Variants in RHBDF2 observed in about 807,000 individuals in gnomAD.
The protein encoded by RHBDF2 is inactive rhomboid protein 2.
RHBDF2 carries 38 observed loss-of-function variants against 95.2 expected under a neutral mutation model. That is an observed-to-expected ratio of 0.40 (90% CI 0.31 to 0.52). The LOEUF is 0.52. Ranked by LOEUF, RHBDF2 falls within the 20% of genes least tolerant of loss-of-function variation. The pLI, the probability that RHBDF2 is intolerant of heterozygous loss-of-function variation, is 0.56. For missense variants in RHBDF2, 863 were observed against 1,137.7 expected (o/e 0.76, Z 3.47); for synonymous variants, 442 against 462.0 (o/e 0.96, Z 0.55).
Position 76,479,766 on chromosome 17 carries a change from C to A in RHBDF2, c.239G>T (p.Arg80Leu). Residue 80 changes from arginine (R) to leucine (L), a missense_variant, in exon 4 of 19, where the codon CGC becomes CTC. Physicochemically the swap from Arg to Leu is moderately radical, Grantham distance 102. Around this residue, in one of 2 missense-constraint regions of RHBDF2, gnomAD observed 611 missense variants for 725.5 expected, o/e 0.84. Coordinates refer to ENST00000675367, the MANE Select transcript of RHBDF2 (RefSeq NM_001005498.4). The stretch of plus-strand genomic sequence containing the variant: ...GCTCTGGGACAGTGAGGCCTGGCGG[C>A]GGAAGCCAGGGCGCTTCTCTGAACT... ...QESSEKRPGF[R>L]RQASLSQSIR... 6.2e-7 allele frequency: 1 copy of A among 1,612,140 alleles called. No individual in the cohort carries two copies. The highest frequency in any genetic ancestry group is 1.1e-5 in the South Asian group (1 of 90,998).
At chr17:76,492,316 A>T (rs1490663434) in intron 1 of RHBDF2, among the ~76,000 whole-genome samples, 1 of 152,122 alleles carries the variant, frequency 6.6e-6, no homozygotes, top group Non-Finnish European at 1.5e-5. Flanking sequence ...CACTGCAGAT[A>T]GCTTTGGAGA....
chr17:76,483,631 A>G (rs1197758220), intron 2 of RHBDF2, among the ~76,000 whole-genome samples: 2 of 152,168 alleles, frequency 1.3e-5, no homozygotes, highest in African/African-American at 2.4e-5. Context: ...TCATAAGTGG[A>G]ATGCACCAAG....
chr17:76,474,254 G>C, intron 12 of RHBDF2, 112 bp from the exon 13 acceptor site: 1 of 1,364,906 alleles, frequency 7.3e-7, no homozygotes, highest in Non-Finnish European at 1.0e-6. Context: ...CATCTATGGG[G>C]GTCTGGGAAA....
chr17:76,485,554 C>T (rs1369342858), intron 2 of RHBDF2, among the ~76,000 whole-genome samples: 2 of 25,598 alleles, frequency 7.8e-5, no homozygotes, highest in Non-Finnish European at 1.3e-4. Flanking sequence ...CCACTGCACT[C>T]CAGGCCTCCA....
rs376787140 is a variant in RHBDF2, at chr17:76,471,938, C to T, written c.2179G>A (p.Val727Met). 27 of 1,571,516 alleles carry T rather than the reference C, an allele frequency of 1.7e-5. No individual in the cohort carries two copies. The highest frequency in any genetic ancestry group is 5.8e-5 in the South Asian group (5 of 85,704). The change falls in exon 19 of 19, where the codon GTG (valine) becomes ATG (methionine). Residue 727 changes from valine (V) to methionine (M), a missense_variant. Val to Met is a conservative substitution (Grantham distance 21). Around this residue, in one of 2 missense-constraint regions of RHBDF2, gnomAD observed 252 missense variants for 412.2 expected, o/e 0.61. Coordinates refer to ENST00000675367, the MANE Select transcript of RHBDF2 (RefSeq NM_001005498.4). Reference protein sequence around the residue: ...WKAFLNLSAIVLFLFICGLLP... With the variant: ...WKAFLNLSAIMLFLFICGLLP... Reference sequence around the variant, plus strand: ...AGGCCACAGATGAACAGGAAGAGCACGATGGCCGAGAGGTTGAGGAAGGCC... The same window carrying T: ...AGGCCACAGATGAACAGGAAGAGCATGATGGCCGAGAGGTTGAGGAAGGCC...
At chr17:76,496,143 G>C (rs1374696650) in intron 1 of RHBDF2, among the ~76,000 whole-genome samples, 1 of 152,196 alleles carries the variant, frequency 6.6e-6, no homozygotes, top group African/African-American at 2.4e-5. Flanking sequence ...ATGGGTTGAT[G>C]CCCCACCACG....
At chr17:76,497,672 C>T (rs1382257106) in intron 1 of RHBDF2, among the ~76,000 whole-genome samples, 2 of 152,088 alleles carry the variant, frequency 1.3e-5, no homozygotes, top group Non-Finnish European at 2.9e-5. Context: ...CACACCTTTA[C>T]CACGGGAGTC....
chr17:76,491,746 T>TG (rs1448594045), intron 1 of RHBDF2, among the ~76,000 whole-genome samples: 1 of 151,906 alleles, frequency 6.6e-6, no homozygotes, highest in Non-Finnish European at 1.5e-5. Context: ...GAAGTTGGGG[T>TG]GGGGGTGCAA....
chr17:76,477,257 G>A lies in RHBDF2; in HGVS notation c.843C>T (p.Pro281=). ...SSMPDDVFES[P]PLSASYFRGI... ...CTCGGAAGTAGCTGGCAGAGAGTGG[G>A]GGGGACTCAAAGACATCATCAGGCA... The change falls in exon 8 of 19, where the codon CCC becomes CCT. Residue 281 remains proline (P), a synonymous_variant. Transcript: ENST00000675367. The A allele has an allele frequency of 6.2e-7, 1 of 1,610,240 alleles. No individual in the cohort carries two copies. Among genetic ancestry groups the A allele is most frequent in the Non-Finnish European group, 8.5e-7 (1 of 1,178,818 alleles).
chr17:76,488,476 G>A (rs1310128649), intron 1 of RHBDF2, among the ~76,000 whole-genome samples: 1 of 149,540 alleles, frequency 6.7e-6, no homozygotes, highest in Admixed American at 6.7e-5. Flanking sequence ...CTCCAGCCTG[G>A]GCGACAGAGG....
Position 76,474,150 on chromosome 17 carries a change from G to A in RHBDF2, c.1465-8C>T, listed in dbSNP as rs770504990. 2.6e-6 allele frequency: 4 copies of A among 1,554,542 alleles called. No homozygotes were observed. In the African/African-American group the frequency reaches 4.1e-5, roughly 16 times the overall value. Reference sequence around the variant, plus strand: ...AAAAGTGGCCAAAGTCTCCTGGAGGGCAGAAGAAGGCTGGTGGGTCATGTC... The same window carrying A: ...AAAAGTGGCCAAAGTCTCCTGGAGGACAGAAGAAGGCTGGTGGGTCATGTC... On this transcript the variant is annotated splice_region_variant and splice_polypyrimidine_tract_variant and intron_variant, in intron 12 of 18. Transcript: ENST00000675367.
At chr17:76,492,484 G>A (rs1464004244) in intron 1 of RHBDF2, among the ~76,000 whole-genome samples, 8 of 152,180 alleles carry the variant, frequency 5.3e-5, no homozygotes, top group African/African-American at 1.9e-4. Flanking sequence ...GGGTAAGCAA[G>A]GCCACCCCCA....
chr17:76,495,443 G>A (rs993870404), intron 1 of RHBDF2, among the ~76,000 whole-genome samples: 3 of 152,346 alleles, frequency 2.0e-5, no homozygotes, highest in African/African-American at 4.8e-5. Flanking sequence ...ACCACTGTGC[G>A]ATCTTGGGCA....
intron 2 of RHBDF2, among the ~76,000 whole-genome samples, chr17:76,482,311 GCCAC>G (rs1258474881): frequency 6.6e-6 from 1 of 151,850 alleles, no homozygotes; most frequent in East Asian, 1.9e-4. Flanking sequence ...GTCCCCCAAG[GCCAC>G]CCAGTTTATT....
At chr17:76,484,808 C>T (rs1277493785) in intron 2 of RHBDF2, among the ~76,000 whole-genome samples, 1 of 152,116 alleles carries the variant, frequency 6.6e-6, no homozygotes, top group Non-Finnish European at 1.5e-5. Flanking sequence ...CCAAGCTCTG[C>T]TGGGGGTGGG....
At chr17:76,475,231 C>T in intron 9 of RHBDF2, 90 bp from the exon 10 acceptor site, 1 of 857,216 alleles carries the variant, frequency 1.2e-6, no homozygotes, top group Non-Finnish European at 1.9e-6. Flanking sequence ...GGTCACATGG[C>T]TCGCCTGGGC....
chr17:76,499,571 C>T (rs1222517184), intron 1 of RHBDF2, among the ~76,000 whole-genome samples: 1 of 152,342 alleles, frequency 6.6e-6, no homozygotes, highest in East Asian at 1.9e-4. Context: ...CGTCAGCTAA[C>T]CCAGGGTGCC....
chr17:76,472,278 C>G lies in RHBDF2; in HGVS notation c.2065-226G>C, dbSNP rs111845284. 1,903 of 601,426 alleles carry G rather than the reference C, an allele frequency of 3.2e-3. 18 individuals are homozygous for G. The highest frequency in any genetic ancestry group is 0.019 in the African/African-American group (1,011 of 53,914). The allele number at this position is 601,426 out of a possible 1,614,324, so 37.3% of individuals were successfully genotyped here. A position where few individuals can be genotyped will look rare whatever the true frequency, so the allele number is the denominator to read the frequency against. On this transcript the variant is annotated intron_variant, in intron 18 of 18. Coordinates refer to ENST00000675367, the MANE Select transcript of RHBDF2 (RefSeq NM_001005498.4). ...ACTGTGTACGTGCCTGGTGTGGGTC[C>G]GTAGCAATAAGCAAGACAGACAAGC...
intron 1 of RHBDF2, among the ~76,000 whole-genome samples, chr17:76,498,789 A>AGT (rs60130089): frequency 0.024 from 3,437 of 143,734 alleles, 114 homozygotes; most frequent in African/African-American, 0.071. Context: ...AGAGAAAGAG[A>AGT]GTGTGTGTGT....
Sources: gnomAD v4.1 joint callset for allele counts (sites outside exome capture counted in the v4.1 genomes callset) on GRCh38, gnomAD v4.1.1 for gene constraint, gnomAD v4.1.1 regional missense constraint, MANE v1.5 for transcripts, NCBI Gene and HGNC (gene_info 2026-07-23, HGNC 2026-07-21) for gene names.